The following DMD variants were observed in gnomAD, a reference collection of about 807,000 sequenced individuals.
The protein encoded by DMD is dystrophin.
Under a neutral mutation model 330.1 loss-of-function variants are expected in DMD, and 63 were observed. The observed-to-expected ratio is 0.19, with a 90% CI of 0.16 to 0.24. The LOEUF (loss-of-function observed/expected upper bound fraction) is 0.24. Ranked by LOEUF, DMD falls within the 10% of genes least tolerant of loss-of-function variation. The pLI is 1.00. For synonymous variants in DMD, 1,223 were observed against 959.8 expected, an observed-to-expected ratio of 1.27 and a Z score of -5.07; for missense variants, 3,344 against 2,684.1, an observed-to-expected ratio of 1.25 and a Z score of -5.43.
chrX:32,803,361 CTTCT>C (rs1190806885), intron 7 of DMD, among the ~76,000 whole-genome samples: 1 of 109,230 alleles, frequency 9.2e-6, no homozygotes, highest in Non-Finnish European at 1.9e-5. Flanking sequence ...TCTCTCTTTT[CTTCT>C]TTTTTAGTCT....
chrX:32,607,833 G>C (rs1460676863), intron 12 of DMD, among the ~76,000 whole-genome samples: 1 of 110,150 alleles, frequency 9.1e-6, no homozygotes, highest in Non-Finnish European at 1.9e-5. Flanking sequence ...CTATACGAAA[G>C]AACTGAAATT....
chrX:32,403,630 C>T (rs920861189), intron 30 of DMD, among the ~76,000 whole-genome samples: 38 of 111,644 alleles, frequency 3.4e-4, no homozygotes, highest in African/African-American at 1.2e-3. Flanking sequence ...CACTATTAAA[C>T]ATATGAAACT....
At chrX:32,449,353 A>G (rs1053873990) in intron 26 of DMD, among the ~76,000 whole-genome samples, 1 of 110,226 alleles carries the variant, frequency 9.1e-6, no homozygotes, top group Non-Finnish European at 1.9e-5. Context: ...TCCAGACAAA[A>G]ACATCAACAT....
At chrX:32,204,642 T>C (rs2097055695) in intron 44 of DMD, among the ~76,000 whole-genome samples, 1 of 110,854 alleles carries the variant, frequency 9.0e-6, no homozygotes, top group African/African-American at 3.3e-5. Flanking sequence ...AAGAAATACC[T>C]GAAACTGGGT....
chrX:32,466,294 G>A (rs2040016520), intron 23 of DMD, among the ~76,000 whole-genome samples: 1 of 110,572 alleles, frequency 9.0e-6, no homozygotes, highest in South Asian at 3.9e-4. Context: ...TTTCTTTCTC[G>A]GTATTAGCTA....
intron 9 of DMD, among the ~76,000 whole-genome samples, chrX:32,678,113 G>A (rs1361027165): frequency 9.0e-6 from 1 of 111,628 alleles, no homozygotes; most frequent in Non-Finnish European, 1.9e-5. Flanking sequence ...AGGAGAAAAT[G>A]GGGAAATGCT....
chrX:32,107,527 G>C (rs1476590994), intron 44 of DMD, among the ~76,000 whole-genome samples: 1 of 109,781 alleles, frequency 9.1e-6, no homozygotes, highest in East Asian at 2.9e-4. Context: ...GAGCAGACTT[G>C]AGATACAAGA....
At chrX:33,299,960 A>C (rs1222298708) in intron 1 of DMD, among the ~76,000 whole-genome samples, 1 of 111,682 alleles carries the variant, frequency 9.0e-6, no homozygotes, top group African/African-American at 3.3e-5. Flanking sequence ...TAAATTTCTA[A>C]ACTGTATCCA....
intron 8 of DMD, among the ~76,000 whole-genome samples, chrX:32,698,387 T>C (rs2063814012): frequency 9.0e-6 from 1 of 111,550 alleles, no homozygotes; most frequent in African/African-American, 3.3e-5. Context: ...GGACTAAAAA[T>C]TTCATAAGCT....
chrX:33,303,831 T>C (rs1266853363), intron 1 of DMD, among the ~76,000 whole-genome samples: 1 of 111,726 alleles, frequency 9.0e-6, no homozygotes, highest in East Asian at 2.8e-4. Context: ...ACCTCTTTCC[T>C]TTATGAATTA....
intron 17 of DMD, among the ~76,000 whole-genome samples, chrX:32,524,000 T>C (rs2046698982): frequency 9.6e-6 from 1 of 104,690 alleles, no homozygotes; most frequent in African/African-American, 3.5e-5. Flanking sequence ...TGGCGCGATC[T>C]CGGCTCACTG....
intron 1 of DMD, among the ~76,000 whole-genome samples, chrX:33,186,508 G>A (rs2050270659): frequency 9.0e-6 from 1 of 110,655 alleles, no homozygotes; most frequent in African/African-American, 3.3e-5. Context: ...GGTTACATTA[G>A]GTTTTTTTAA....
intron 7 of DMD, among the ~76,000 whole-genome samples, chrX:32,796,610 TCA>T (rs757917720): frequency 6.3e-5 from 7 of 111,726 alleles, no homozygotes; most frequent in East Asian, 2.8e-4. Context: ...CTCAAAATGT[TCA>T]CAGAACATAA....
chrX:31,370,465 C>T lies in DMD; in HGVS notation c.9085-21831G>A, dbSNP rs141180746. 4.4e-3 allele frequency among the ~76,000 whole-genome samples: 493 copies of T among 111,811 alleles called. 2 individuals are homozygous for T. Among genetic ancestry groups the T allele is most frequent in the African/African-American group, 0.015 (454 of 30,785 alleles). ...TCAACAGCATTTGCCACGAGGGAAACGTAAATTAAAAGCACAATGAGATAT... is the reference window on the plus strand; with the variant it reads ...TCAACAGCATTTGCCACGAGGGAAATGTAAATTAAAAGCACAATGAGATAT... On this transcript the variant is annotated intron_variant, in intron 60 of 78. Coordinates refer to ENST00000357033, the MANE Select transcript of DMD (RefSeq NM_004006.3).
chrX:33,102,827 G>T (rs1418616384), intron 1 of DMD, among the ~76,000 whole-genome samples: 2 of 112,140 alleles, frequency 1.8e-5, no homozygotes, highest in East Asian at 5.6e-4. Flanking sequence ...CAAGCATTTA[G>T]TTGTTAAGTG....
chrX:31,410,807 C>T (rs940597981), intron 60 of DMD, among the ~76,000 whole-genome samples: 25 of 109,273 alleles, frequency 2.3e-4, no homozygotes, highest in African/African-American at 7.6e-4. Context: ...GGTGCGATCT[C>T]GGCTCACTGC....
In DMD at chrX:31,209,488, C is replaced by A. The variant is rs1309532865; in HGVS notation, c.9563+10G>T. 8.3e-7 allele frequency: 1 copy of A among 1,207,884 alleles called. No homozygotes were observed. The highest frequency in any genetic ancestry group is 2.2e-5 in the Admixed American group (1 of 46,012). On this transcript the variant is annotated intron_variant, in intron 65 of 78. Coordinates refer to ENST00000357033, the MANE Select transcript of DMD (RefSeq NM_004006.3). The stretch of plus-strand genomic sequence containing the variant: ...ACAGAGCCCGGGAAATAAAAACATG[C>A]CATACGTACGTATCATAAACATTCA...
chrX:32,709,763 T>TC (rs1371167231), intron 7 of DMD, among the ~76,000 whole-genome samples: 9 of 111,793 alleles, frequency 8.1e-5, no homozygotes, highest in African/African-American at 2.9e-4. Flanking sequence ...CCAACCCCTT[T>TC]CCCTTTATTT....
At chrX:32,721,052 G>C (rs1227168093) in intron 7 of DMD, among the ~76,000 whole-genome samples, 1 of 109,370 alleles carries the variant, frequency 9.1e-6, no homozygotes, top group African/African-American at 3.4e-5. Flanking sequence ...ACTATCTTTT[G>C]TGAGGCTGAA....
Sources: gnomAD v4.1 joint callset for allele counts (sites outside exome capture counted in the v4.1 genomes callset) on GRCh38, gnomAD v4.1.1 for gene constraint, MANE v1.5 for transcripts, NCBI Gene and HGNC (gene_info 2026-07-23, HGNC 2026-07-21) for gene names.